Variants in NCOA3 observed in about 807,000 individuals in gnomAD.
NCOA3 encodes the protein CBP-interacting protein.
A neutral mutation model predicts 158.8 loss-of-function variants in NCOA3; 51 were observed. That is an observed-to-expected ratio of 0.32 (90% CI 0.26 to 0.41). The LOEUF (loss-of-function observed/expected upper bound fraction) is 0.41. NCOA3 is among the 10% of genes least tolerant of loss of function. The probability of loss-of-function intolerance (pLI) is 1.00; values close to 1 mark genes in which losing one functional copy is unlikely to be tolerated. For synonymous variants in NCOA3, 537 were observed against 592.4 expected, an observed-to-expected ratio of 0.91 and a Z score of 1.36; for missense variants, 1,510 against 1,746.6, an observed-to-expected ratio of 0.86 and a Z score of 2.41.
Position 47,637,645 on chromosome 20 carries a change from C to A in NCOA3, c.2377-3C>A. 6.3e-7 allele frequency: 1 copy of A among 1,594,416 alleles called. No individual in the cohort carries two copies. The highest frequency in any genetic ancestry group is 8.5e-7 in the Non-Finnish European group (1 of 1,172,980). On this transcript the variant is annotated splice_polypyrimidine_tract_variant and splice_region_variant and intron_variant, in intron 12 of 22. Transcript: ENST00000371998. ...AGGTTAATTTTTAAAACTTTATTTT[C>A]AGGGATCTGGAGACTTGGATAATCT...
chr20:47,651,149 ACAG>A lies in NCOA3; in HGVS notation c.3825_3827del (p.Gln1276del), dbSNP rs545554419. ...AGCAACAGCAACAGCAACAGCAGCA[ACAG>A]CAGCAAACCCAGGCCTTCAGCCCAC... On this transcript the variant is annotated inframe_deletion, in exon 20 of 23. Transcript: ENST00000371998. The A allele has an allele frequency of 1.8e-4, 288 of 1,613,950 alleles. 1 individual carries two copies. The African/African-American group carries it at 3.5e-3, about 19-fold the overall frequency.
chr20:47,569,442 G>A (rs981956692), intron 1 of NCOA3, among the ~76,000 whole-genome samples: 4 of 152,178 alleles, frequency 2.6e-5, no homozygotes, highest in African/African-American at 9.7e-5. Context: ...CACTTGGGGA[G>A]GCTGAGGTGG....
chr20:47,590,269 G>A (rs1468432108), intron 2 of NCOA3, among the ~76,000 whole-genome samples: 4 of 152,174 alleles, frequency 2.6e-5, no homozygotes, highest in Admixed American at 2.6e-4. Flanking sequence ...TTGTCTTGAC[G>A]GAATTTGATT....
intron 18 of NCOA3, among the ~76,000 whole-genome samples, chr20:47,647,921 T>TG (rs1324241642): frequency 2.2e-5 from 3 of 139,324 alleles, no homozygotes; most frequent in Non-Finnish European, 4.9e-5. Flanking sequence ...TTTGTTTTGT[T>TG]TTTTTTTTTT....
chr20:47,528,829 A>C (rs1405031737), intron 1 of NCOA3, among the ~76,000 whole-genome samples: 1 of 152,080 alleles, frequency 6.6e-6, no homozygotes, highest in Non-Finnish European at 1.5e-5. Context: ...GCTGAAGTGC[A>C]ATGGTGTGAT....
chr20:47,543,598 C>G (rs1358557021), intron 1 of NCOA3, among the ~76,000 whole-genome samples: 3 of 151,236 alleles, frequency 2.0e-5, no homozygotes, highest in Non-Finnish European at 3.0e-5. Context: ...CAACCTCCAC[C>G]TCCTGGGTTC....
At chr20:47,534,344 T>A (rs748383087) in intron 1 of NCOA3, among the ~76,000 whole-genome samples, 3 of 152,084 alleles carry the variant, frequency 2.0e-5, no homozygotes, top group Non-Finnish European at 4.4e-5. Context: ...TTCACCAGGC[T>A]TCTAGTTTGT....
At chr20:47,531,989 T>A (rs1337901450) in intron 1 of NCOA3, among the ~76,000 whole-genome samples, 1 of 152,212 alleles carries the variant, frequency 6.6e-6, no homozygotes, top group Non-Finnish European at 1.5e-5. Flanking sequence ...CTTCCATGCT[T>A]TAATTTATTC....
At chr20:47,582,934 A>G (rs1337371017) in intron 1 of NCOA3, among the ~76,000 whole-genome samples, 17 of 152,210 alleles carry the variant, frequency 1.1e-4, no homozygotes, top group Admixed American at 1.1e-3. Flanking sequence ...AGTTGGGATT[A>G]CAGGCGGATG....
intron 2 of NCOA3, among the ~76,000 whole-genome samples, chr20:47,606,710 T>G (rs2085953880): frequency 6.6e-6 from 1 of 152,234 alleles, no homozygotes. Context: ...TGAACTGAAG[T>G]ACCCACTTTT....
At chr20:47,573,346 G>A (rs1447774736) in intron 1 of NCOA3, among the ~76,000 whole-genome samples, 1 of 152,094 alleles carries the variant, frequency 6.6e-6, no homozygotes, top group African/African-American at 2.4e-5. Context: ...TGAGCCGAGA[G>A]CTGAGATCCT....
intron 1 of NCOA3, among the ~76,000 whole-genome samples, chr20:47,570,980 A>T (rs1269614344): frequency 1.2e-5 from 1 of 83,038 alleles, no homozygotes; most frequent in Non-Finnish European, 2.7e-5. Flanking sequence ...AAGTATATAC[A>T]TATATGTGTG....
At chr20:47,596,959 C>T (rs572056990) in intron 2 of NCOA3, among the ~76,000 whole-genome samples, 2 of 152,186 alleles carry the variant, frequency 1.3e-5, no homozygotes, top group South Asian at 4.1e-4. Context: ...TATTTCATAT[C>T]ACTTTTTATT....
At chr20:47,550,660 G>C (rs2084914968) in intron 1 of NCOA3, among the ~76,000 whole-genome samples, 1 of 152,072 alleles carries the variant, frequency 6.6e-6, no homozygotes, top group South Asian at 2.1e-4. Flanking sequence ...GTAGTTCACT[G>C]AGACTCTTAT....
At chr20:47,633,427 C>T in intron 8 of NCOA3, 69 bp from the exon 9 acceptor site, 2 of 1,424,856 alleles carry the variant, frequency 1.4e-6, no homozygotes, top group Non-Finnish European at 1.9e-6. Context: ...AGTGCTAAGC[C>T]ATGTGTAGGC....
At chr20:47,627,298 T>A in intron 6 of NCOA3, 122 bp downstream of exon 6, 2 of 833,986 alleles carry the variant, frequency 2.4e-6, no homozygotes, top group Non-Finnish European at 3.6e-6. Context: ...GCATGTGATT[T>A]AATAGCAGAA....
intron 13 of NCOA3, 32 bp downstream of exon 13, chr20:47,637,815 C>G (rs769969982): frequency 7.1e-7 from 1 of 1,417,080 alleles, no homozygotes; most frequent in South Asian, 1.3e-5. Flanking sequence ...TTTTTTTTTG[C>G]TGCCTTTGAA....
chr20:47,602,071 A>C (rs2085873492), intron 2 of NCOA3, among the ~76,000 whole-genome samples: 1 of 152,260 alleles, frequency 6.6e-6, no homozygotes. Context: ...TATTAAACTT[A>C]TATGAGTACA....
At chr20:47,616,316 C>G (rs1375500172) in intron 2 of NCOA3, among the ~76,000 whole-genome samples, 1 of 151,686 alleles carries the variant, frequency 6.6e-6, no homozygotes, top group African/African-American at 2.4e-5. Flanking sequence ...GCCTCAGTCC[C>G]CCAAGTAGCT....
Sources: gnomAD v4.1 joint callset for allele counts (sites outside exome capture counted in the v4.1 genomes callset) on GRCh38, gnomAD v4.1.1 for gene constraint, MANE v1.5 for transcripts, NCBI Gene and HGNC (gene_info 2026-07-23, HGNC 2026-07-21) for gene names.